The following ACBD3 variants were observed in gnomAD, a reference collection of about 807,000 sequenced individuals.
The protein encoded by ACBD3 is acyl-CoA binding domain containing 3.
ACBD3 carries 30 observed loss-of-function variants against 66.9 expected under a neutral mutation model. The observed-to-expected ratio is 0.45, with a 90% CI of 0.34 to 0.61. ACBD3 has a LOEUF of 0.61. Ranked by LOEUF, ACBD3 falls within the 20% of genes least tolerant of loss-of-function variation. The pLI, the probability that ACBD3 is intolerant of heterozygous loss-of-function variation, is 0.02. For missense variants in ACBD3, 544 were observed against 664.5 expected, an observed-to-expected ratio of 0.82 and a Z score of 1.99; for synonymous variants, 278 against 259.8, an observed-to-expected ratio of 1.07 and a Z score of -0.68.
At chr1:226,181,828 A>C (rs1305457097) in intron 1 of ACBD3, among the ~76,000 whole-genome samples, 1 of 152,218 alleles carries the variant, frequency 6.6e-6, no homozygotes, top group Non-Finnish European at 1.5e-5. Flanking sequence ...TCCCCAGGTC[A>C]ACTCCATCCA....
At chr1:226,155,394 G>A (rs1236975717) in intron 5 of ACBD3, among the ~76,000 whole-genome samples, 1 of 138,834 alleles carries the variant, frequency 7.2e-6, no homozygotes, top group African/African-American at 2.7e-5. Context: ...TCCAGCCTGA[G>A]CAACAAAAGC....
chr1:226,186,366 G>C, intron 1 of ACBD3, 24 bp downstream of exon 1: 1 of 1,490,586 alleles, frequency 6.7e-7, no homozygotes, highest in Admixed American at 2.3e-5. Flanking sequence ...CAGAAGCGGC[G>C]GGGGTGGGGC....
At chr1:226,170,463 C>A (rs527412738) in intron 1 of ACBD3, among the ~76,000 whole-genome samples, 14 of 151,570 alleles carry the variant, frequency 9.2e-5, no homozygotes, top group African/African-American at 3.4e-4. Flanking sequence ...CGTGAGCCAC[C>A]GTGCTCGGCC....
At chr1:226,160,191 A>C (rs1659746031) in intron 4 of ACBD3, among the ~76,000 whole-genome samples, 1 of 151,626 alleles carries the variant, frequency 6.6e-6, no homozygotes, top group South Asian at 2.1e-4. Flanking sequence ...TCCTAGGTTC[A>C]AGCGATTCTC....
intron 5 of ACBD3, among the ~76,000 whole-genome samples, chr1:226,158,094 C>T (rs1576232399): frequency 1.3e-5 from 2 of 152,318 alleles, no homozygotes; most frequent in Non-Finnish European, 2.9e-5. Flanking sequence ...ATCTTTTCCT[C>T]CTCTTCAGGA....
intron 5 of ACBD3, among the ~76,000 whole-genome samples, chr1:226,155,821 A>G (rs1659660702): frequency 6.6e-6 from 1 of 152,246 alleles, no homozygotes; most frequent in Non-Finnish European, 1.5e-5. Flanking sequence ...GGTTAAAAAT[A>G]TTTTCTCAAT....
At chr1:226,161,404 C>T (rs1204010941) in intron 4 of ACBD3, 127 bp downstream of exon 4, 3 of 1,332,040 alleles carry the variant, frequency 2.3e-6, no homozygotes, top group South Asian at 1.4e-5. Context: ...GTGATCTGCC[C>T]GCCTCCGCCT....
chr1:226,155,884 T>C (rs10915951), intron 5 of ACBD3, among the ~76,000 whole-genome samples: 23,985 of 152,218 alleles, frequency 0.16, 1,985 homozygotes, highest in East Asian at 0.22. Context: ...TTCATAAATA[T>C]AAAATCAAAA....
intron 7 of ACBD3, among the ~76,000 whole-genome samples, chr1:226,147,178 C>T (rs1019799803): frequency 7.9e-5 from 12 of 152,356 alleles, no homozygotes; most frequent in African/African-American, 2.9e-4. Context: ...GCGTGAGCCA[C>T]CGTGCCCAGC....
chr1:226,147,435 C>T (rs567735454), intron 7 of ACBD3, among the ~76,000 whole-genome samples: 3 of 152,242 alleles, frequency 2.0e-5, no homozygotes, highest in African/African-American at 7.2e-5. Context: ...ATTTCAAGGT[C>T]CCATTTTCCC....
intron 4 of ACBD3, among the ~76,000 whole-genome samples, chr1:226,160,313 C>T (rs935018869): frequency 0.01 from 3 of 296 alleles, no homozygotes; most frequent in African/African-American, 0.023. Flanking sequence ...TCGTTTCAAA[C>T]CCCTGACCTC....
At chr1:226,160,943 T>C (rs1659760026) in intron 4 of ACBD3, among the ~76,000 whole-genome samples, 1 of 152,224 alleles carries the variant, frequency 6.6e-6, no homozygotes, top group Non-Finnish European at 1.5e-5. Context: ...GTCAGATGCA[T>C]GGAAACATAG....
chr1:226,181,261 G>C (rs1656164946), intron 1 of ACBD3, among the ~76,000 whole-genome samples: 1 of 152,144 alleles, frequency 6.6e-6, no homozygotes, highest in Non-Finnish European at 1.5e-5. Context: ...ATAGACCACT[G>C]AAGTCCAGGA....
chr1:226,162,188 A>G lies in ACBD3; in HGVS notation c.570-499T>C, dbSNP rs1659785717. The stretch of plus-strand genomic sequence containing the variant: ...CGACAAACGTGTACAGAAGTAAAAA[A>G]TCCACCCTGAAATATCGCAGAGCCA... On this transcript the variant is annotated intron_variant, in intron 3 of 7. Coordinates refer to ENST00000366812, the MANE Select transcript of ACBD3 (RefSeq NM_022735.4). 3.3e-5 allele frequency among the ~76,000 whole-genome samples: 5 copies of G among 152,166 alleles called. No individual in the cohort carries two copies. In the South Asian group the frequency reaches 1.0e-3, roughly 31 times the overall value.
At chr1:226,180,935 G>A (rs1156516847) in intron 1 of ACBD3, among the ~76,000 whole-genome samples, 2 of 151,408 alleles carry the variant, frequency 1.3e-5, no homozygotes, top group Non-Finnish European at 2.9e-5. Context: ...GGAGGCAGAG[G>A]CTGCAGTGAG....
intron 1 of ACBD3, 64 bp from the exon 2 acceptor site, chr1:226,166,064 A>G: frequency 6.6e-7 from 1 of 1,511,556 alleles, no homozygotes; most frequent in Non-Finnish European, 8.9e-7. Context: ...TTTCAGCATT[A>G]TATACTAAAG....
At chr1:226,152,257 C>G in intron 7 of ACBD3, 78 bp downstream of exon 7, 2 of 1,545,090 alleles carry the variant, frequency 1.3e-6, no homozygotes, top group Non-Finnish European at 1.8e-6. Context: ...AAGCATAAGG[C>G]TGGGTGACAC....
chr1:226,169,302 C>A (rs1042941724), intron 1 of ACBD3, among the ~76,000 whole-genome samples: 1 of 151,754 alleles, frequency 6.6e-6, no homozygotes, highest in African/African-American at 2.4e-5. Context: ...GGCTGGAGTG[C>A]CGTGGTGCGA....
chr1:226,156,117 T>C (rs932091599), intron 5 of ACBD3, among the ~76,000 whole-genome samples: 1 of 152,214 alleles, frequency 6.6e-6, no homozygotes, highest in African/African-American at 2.4e-5. Context: ...AACACATCCA[T>C]GTAACTAATA....
Sources: gnomAD v4.1 joint callset for allele counts (sites outside exome capture counted in the v4.1 genomes callset) on GRCh38, gnomAD v4.1.1 for gene constraint, MANE v1.5 for transcripts, NCBI Gene and HGNC (gene_info 2026-07-23, HGNC 2026-07-21) for gene names.